Variants in RAMP3 observed in about 807,000 individuals in gnomAD.
The protein encoded by RAMP3 is receptor activity-modifying protein 3.
In RAMP3, 14 loss-of-function variants were observed where a neutral mutation model predicts 13.5. That is an observed-to-expected ratio of 1.04 (90% CI 0.69 to 1.63). The LOEUF is 1.63. Ranked by LOEUF, RAMP3 falls within the 40% of genes most tolerant of loss-of-function variation. RAMP3 has a pLI of 0.00. For missense variants in RAMP3, 200 were observed against 204.8 expected (o/e 0.98, Z 0.14); for synonymous variants, 106 against 88.3 (o/e 1.20, Z -1.12).
At chr7:45,182,189 G>A (rs1387113562) in intron 2 of RAMP3, among the ~76,000 whole-genome samples, 1 of 152,196 alleles carries the variant, frequency 6.6e-6, no homozygotes, top group Non-Finnish European at 1.5e-5. Flanking sequence ...TTCCCATGGG[G>A]AAGCCGAGGC....
intron 1 of RAMP3, among the ~76,000 whole-genome samples, chr7:45,159,054 C>T (rs527989185): frequency 2.6e-5 from 4 of 152,316 alleles, no homozygotes; most frequent in African/African-American, 2.4e-5. Context: ...CTGAGGCTTT[C>T]CTGATCATCT....
chr7:45,171,387 C>A (rs989443221), intron 1 of RAMP3, among the ~76,000 whole-genome samples: 2 of 152,128 alleles, frequency 1.3e-5, no homozygotes, highest in African/African-American at 4.8e-5. Flanking sequence ...AACTCTGGAT[C>A]TCAGGTGACC....
Position 45,157,895 on chromosome 7 carries a change from G to A in RAMP3, c.58+9G>A, listed in dbSNP as rs1785789239. The A allele has an allele frequency of 1.5e-6, 2 of 1,359,586 alleles. No homozygotes were observed. Among genetic ancestry groups the A allele is most frequent in the Non-Finnish European group, 1.9e-6 (2 of 1,061,414 alleles). The allele number at this position is 1,359,586 out of a possible 1,614,324, so 84.2% of individuals were successfully genotyped here. ...GCTGCTGCTGCTCTGCGGTAAGGGG[G>A]CGACGGCCCGCACCGGGGGCGCCCC... is the stretch of plus-strand genomic sequence containing the variant. On this transcript the variant is annotated intron_variant, in intron 1 of 2. Coordinates refer to ENST00000242249, the MANE Select transcript of RAMP3 (RefSeq NM_005856.3).
Position 45,176,554 on chromosome 7 carries a change from C to T in RAMP3, c.59-755C>T, listed in dbSNP as rs142187504. ...AAGTTTAGGAGCAGGGAGGTCCTGTCGTCTGGAAATGGGATGACCGTGGAG... is the reference window on the plus strand; with the variant it reads ...AAGTTTAGGAGCAGGGAGGTCCTGTTGTCTGGAAATGGGATGACCGTGGAG... On this transcript the variant is annotated intron_variant, in intron 1 of 2. Coordinates refer to ENST00000242249, the MANE Select transcript of RAMP3 (RefSeq NM_005856.3). 6.6e-5 allele frequency among the ~76,000 whole-genome samples: 10 copies of T among 152,102 alleles called. No homozygotes were observed. The East Asian group carries it at 1.5e-3, about 24-fold the overall frequency.
rs1452010804 is a variant in RAMP3, at chr7:45,184,236, A to C, written c.*824A>C. The C allele has an allele frequency of 2.5e-6, 1 of 398,156 alleles. No individual in the cohort carries two copies. The highest frequency in any genetic ancestry group is 4.4e-6 in the Non-Finnish European group (1 of 226,018). 24.7% of individuals were successfully genotyped at this position (398,156 alleles called of 1,614,324 possible). The stretch of plus-strand genomic sequence containing the variant: ...ATCTGTGTTTTATCTGAGTAAAGTT[A>C]CCTTACTTCTGGAATTTCCTGTTTT... On this transcript the variant is annotated 3_prime_UTR_variant, in exon 3 of 3. Coordinates refer to ENST00000242249, the MANE Select transcript of RAMP3 (RefSeq NM_005856.3).
At chr7:45,170,557 T>C (rs1786060094) in intron 1 of RAMP3, among the ~76,000 whole-genome samples, 1 of 152,172 alleles carries the variant, frequency 6.6e-6, no homozygotes, top group African/African-American at 2.4e-5. Flanking sequence ...CAGGATGATC[T>C]CGGTCTCCTG....
chr7:45,164,408 G>A (rs1241802308), intron 1 of RAMP3, among the ~76,000 whole-genome samples: 1 of 152,182 alleles, frequency 6.6e-6, no homozygotes. Context: ...GGTGGCACAT[G>A]CCTGTGGTCC....
At chr7:45,162,207 G>A (rs1043227526) in intron 1 of RAMP3, among the ~76,000 whole-genome samples, 3 of 152,168 alleles carry the variant, frequency 2.0e-5, no homozygotes, top group East Asian at 1.9e-4. Context: ...GGCCTCCATC[G>A]TCCCATCTCT....
chr7:45,163,266 C>T lies in RAMP3; in HGVS notation c.58+5380C>T, dbSNP rs1262562235. ...GTGCCCAGAGGAACTAGGGATAGAG[C>T]CCCCAAGCCTCAGGGCTTTCTGGGT... On this transcript the variant is annotated intron_variant, in intron 1 of 2. Coordinates refer to ENST00000242249, the MANE Select transcript of RAMP3 (RefSeq NM_005856.3). 1.2e-5 allele frequency: 12 copies of T among 985,306 alleles called. No individual in the cohort carries two copies. The East Asian group carries it at 6.8e-4, about 56-fold the overall frequency. 61.0% of individuals were successfully genotyped at this position (985,306 alleles called of 1,614,324 possible). A position where few individuals can be genotyped will look rare whatever the true frequency, so the allele number is the denominator to read the frequency against.
In RAMP3 at chr7:45,163,480, G is replaced by A. The variant is rs138043341; in HGVS notation, c.58+5594G>A. ...GTCCAGGAAGGAGGCTGTGGTAATG[G>A]GGGACAGTCTGATTGTGGAGGAAGA... On this transcript the variant is annotated intron_variant, in intron 1 of 2. Transcript: ENST00000242249. The A allele has an allele frequency of 5.3e-3, 5,243 of 985,424 alleles. 24 individuals are homozygous for A. The highest frequency in any genetic ancestry group is 6.0e-3 in the Non-Finnish European group (4,948 of 829,924). The allele number at this position is 985,424 out of a possible 1,614,324, so 61.0% of individuals were successfully genotyped here. A position where few individuals can be genotyped will look rare whatever the true frequency, so the allele number is the denominator to read the frequency against.
At chr7:45,160,519 A>G (rs1482225455) in intron 1 of RAMP3, among the ~76,000 whole-genome samples, 2 of 151,986 alleles carry the variant, frequency 1.3e-5, no homozygotes, top group African/African-American at 4.8e-5. Context: ...CCAACCACAG[A>G]GACCAGGGGC....
rs546056556 is a variant in RAMP3 at position 45,177,459 on chromosome 7, G to A, written c.191+18G>A. The A allele has an allele frequency of 6.2e-7, 1 of 1,613,930 alleles. No individual in the cohort carries two copies. Among genetic ancestry groups the A allele is most frequent in the East Asian group, 2.2e-5 (1 of 44,874 alleles). ...TTCATCGTGTGAGTGCCACTGCTGG[G>A]CGTGGGATTTGCTCTGACCACAGCG... is the stretch of plus-strand genomic sequence containing the variant. On this transcript the variant is annotated intron_variant, in intron 2 of 2. Transcript: ENST00000242249.
At chr7:45,182,879 A>G (rs1786345181) in intron 2 of RAMP3, among the ~76,000 whole-genome samples, 1 of 152,168 alleles carries the variant, frequency 6.6e-6, no homozygotes, top group Non-Finnish European at 1.5e-5. Flanking sequence ...TTAGAGGTCC[A>G]GGGAAGCTGG....
intron 2 of RAMP3, among the ~76,000 whole-genome samples, chr7:45,177,698 C>A (rs955510476): frequency 1.3e-5 from 2 of 152,310 alleles, no homozygotes; most frequent in Non-Finnish European, 2.9e-5. Context: ...CTCACGGCCC[C>A]GCCCATGCCG....
At position 45,166,958 on chromosome 7, in the gene RAMP3, C is replaced by CTTTTTTTTTTTT. The variant is rs202162694; in HGVS notation, c.58+9078_58+9089dup. ...TAGCTCTACATGTAGGTCTTTGATGCTTTTTTTTTTTTTTTTTGAGACAGA... is the reference window on the plus strand; with the variant it reads ...TAGCTCTACATGTAGGTCTTTGATGCTTTTTTTTTTTTTTTTTTTTTTTTTTTTTGAGACAGA... On this transcript the variant is annotated intron_variant, in intron 1 of 2. Coordinates refer to ENST00000242249, the MANE Select transcript of RAMP3 (RefSeq NM_005856.3). Among the ~76,000 whole-genome samples, 109 of 101,206 alleles carry CTTTTTTTTTTTT rather than the reference C, an allele frequency of 1.1e-3. 6 individuals carry two copies. The highest frequency in any genetic ancestry group is 1.4e-3 in the South Asian group (4 of 2,804). The allele number at this position is 101,206 out of a possible 152,430, so 66.4% of individuals were successfully genotyped here.
Position 45,177,382 on chromosome 7 carries a change from C to T in RAMP3, c.132C>T (p.Phe44=), listed in dbSNP as rs757707650. 82 of 1,613,996 alleles carry T rather than the reference C, an allele frequency of 5.1e-5. 1 individual carries two copies. The Admixed American group carries it at 5.2e-4, about 10-fold the overall frequency. ...LERLPLCGKA[F]ADMMGKVDVW... is the part of the protein sequence containing the mutation. ...GGCTGCCCCTGTGTGGGAAGGCTTT[C>T]GCAGACATGATGGGCAAGGTGGACG... is the stretch of plus-strand genomic sequence containing the variant. The change falls in exon 2 of 3, where the codon TTC becomes TTT. Residue 44 remains phenylalanine, a synonymous_variant. Coordinates refer to ENST00000242249, the MANE Select transcript of RAMP3 (RefSeq NM_005856.3).
chr7:45,175,357 G>C (rs886183884), intron 1 of RAMP3, among the ~76,000 whole-genome samples: 5 of 152,332 alleles, frequency 3.3e-5, no homozygotes, highest in South Asian at 2.1e-4. Flanking sequence ...GCCACAGCCT[G>C]TGTGCTTCCC....
At chr7:45,173,268 C>T (rs971499567) in intron 1 of RAMP3, among the ~76,000 whole-genome samples, 3 of 152,184 alleles carry the variant, frequency 2.0e-5, no homozygotes, top group African/African-American at 7.2e-5. Context: ...CAGACGTCTG[C>T]CATATGACTG....
chr7:45,175,712 G>A (rs909278521), intron 1 of RAMP3, among the ~76,000 whole-genome samples: 4 of 152,136 alleles, frequency 2.6e-5, no homozygotes, highest in Admixed American at 2.0e-4. Flanking sequence ...AGGTGGGGGT[G>A]GGCTGAGCAT....
Sources: allele counts gnomAD v4.1 joint callset (sites outside exome capture counted in the v4.1 genomes callset), GRCh38; gene constraint gnomAD v4.1.1; transcripts MANE v1.5; gene names NCBI Gene and HGNC (gene_info 2026-07-23, HGNC 2026-07-21).